The following PCDHGA10 variants were observed in gnomAD, a reference collection of about 807,000 sequenced individuals.
PCDHGA10 encodes the protein protocadherin gamma-A10.
PCDHGA10 carries 42 observed loss-of-function variants against 59.5 expected under a neutral mutation model. The ratio of observed to expected loss-of-function variants is 0.71; its 90% confidence interval spans 0.55 to 0.91. The LOEUF (loss-of-function observed/expected upper bound fraction) is 0.91, where lower values mean the gene tolerates loss of function less well. PCDHGA10 is among the 40% of genes least tolerant of loss of function. PCDHGA10 has a pLI of 0.00. For synonymous variants in PCDHGA10, 511 were observed against 517.2 expected (o/e 0.99, Z 0.16); for missense variants, 1,111 against 1,198.2 (o/e 0.93, Z 1.07).
intron 1 of PCDHGA10, among the ~76,000 whole-genome samples, chr5:141,446,948 T>C (rs1166868490): frequency 6.6e-6 from 1 of 152,186 alleles, no homozygotes; most frequent in African/African-American, 2.4e-5. Context: ...GTAAGAAACA[T>C]CCAGCACCCA....
chr5:141,440,373 G>A (rs866892003), intron 1 of PCDHGA10: 2 of 152,214 alleles, frequency 1.3e-5, no homozygotes, highest in Non-Finnish European at 2.9e-5. Context: ...GGCCGAGGCA[G>A]GAGAATCGCT....
Position 141,431,374 on chromosome 5 carries a change from GGCT to G in PCDHGA10, c.2436+15767_2436+15769del, listed in dbSNP as rs752583215. The G allele has an allele frequency of 1.7e-4, 275 of 1,613,980 alleles. No individual in the cohort carries two copies. Among genetic ancestry groups the G allele is most frequent in the Non-Finnish European group, 2.0e-4 (238 of 1,180,036 alleles). On this transcript the variant is annotated intron_variant, in intron 1 of 3. Coordinates refer to ENST00000398610, the MANE Select transcript of PCDHGA10 (RefSeq NM_018913.3). This position sits in a 1 kb window ranked among gnomAD's most constrained non-coding sequence, Gnocchi z 4.8. Reference sequence around the variant, plus strand: ...AACGCGCCCTGGACCGCGAAGAAAAGGCTGCTCACCACCTGGTCCTTACGGCCT... The same window carrying G: ...AACGCGCCCTGGACCGCGAAGAAAAGGCTCACCACCTGGTCCTTACGGCCT...
At position 141,414,245 on chromosome 5, in the gene PCDHGA10, T is replaced by G. The variant is rs760119941; in HGVS notation, c.1070T>G (p.Phe357Cys). The change falls in exon 1 of 4, where the codon TTT (phenylalanine) becomes TGT (cysteine). Residue 357 changes from phenylalanine (F) to cysteine (C), a missense_variant. Transcript: ENST00000398610. ...CCAGAGCTGACCATCACGTCTCTAT[T>G]TAGTCCAGTGACTGAAGATTCACCT... The part of the protein sequence containing the change: ...NSPELTITSL[F>C]SPVTEDSPLG... 49 of 1,613,380 alleles carry G rather than the reference T, an allele frequency of 3.0e-5. 1 individual carries two copies. The highest frequency in any genetic ancestry group is 1.3e-4 in the South Asian group (12 of 90,978).
Position 141,476,698 on chromosome 5 carries a change from G to C in PCDHGA10, c.2437-18109G>C, listed in dbSNP as rs2075661. Reference sequence around the variant, plus strand: ...CGCGGGAGGACAGCACCAAGTACGCGGAGCTGGTGTTGGAGCGCGCCCTGG... The same window carrying C: ...CGCGGGAGGACAGCACCAAGTACGCCGAGCTGGTGTTGGAGCGCGCCCTGG... On this transcript the variant is annotated intron_variant, in intron 1 of 3. Transcript: ENST00000398610. The surrounding 1 kb of genome is among the most constrained non-coding windows in gnomAD (Gnocchi z 7.6). The C allele has an allele frequency of 0.2, 326,683 of 1,614,030 alleles. 35,085 individuals carry two copies. Among genetic ancestry groups the C allele is most frequent in the Admixed American group, 0.37 (22,021 of 59,992 alleles).
Position 141,477,649 on chromosome 5 carries a change from A to G in PCDHGA10, c.2437-17158A>G, listed in dbSNP as rs2099415032. 3.7e-6 allele frequency: 6 copies of G among 1,614,076 alleles called. No individual in the cohort carries two copies. Among genetic ancestry groups the G allele is most frequent in the Non-Finnish European group, 5.1e-6 (6 of 1,180,048 alleles). ...CCGGGCTAGTGGGTCGCTATTTCAC[A>G]ATAAATCGTGACAATGGCATAGTGT... On this transcript the variant is annotated intron_variant, in intron 1 of 3. Transcript: ENST00000398610. The surrounding 1 kb of genome is among the most constrained non-coding windows in gnomAD (Gnocchi z 4.9).
At position 141,489,910 on chromosome 5, in the gene PCDHGA10, G is replaced by T; in HGVS notation, c.2437-4897G>T. ...GGATGGGGGGACCCCAGCCCGCTCA[G>T]GGACCACCCTTATCTCTGTCATCGT... On this transcript the variant is annotated intron_variant, in intron 1 of 3. Transcript: ENST00000398610. This position sits in a 1 kb window ranked among gnomAD's most constrained non-coding sequence, Gnocchi z 4.5. 1 of 1,614,226 alleles carries T rather than the reference G, an allele frequency of 6.2e-7. No homozygotes were observed. The highest frequency in any genetic ancestry group is 8.5e-7 in the Non-Finnish European group (1 of 1,180,030).
intron 1 of PCDHGA10, chr5:141,417,718 G>A: frequency 7.7e-7 from 1 of 1,304,720 alleles, no homozygotes; most frequent in Non-Finnish European, 1.0e-6. Flanking sequence ...GCTCCCGGCT[G>A]CGCAGACCTT....
chr5:141,478,671 A>G (rs996413401), intron 1 of PCDHGA10: 19 of 1,551,538 alleles, frequency 1.2e-5, no homozygotes, highest in Non-Finnish European at 1.7e-5. Context: ...TCACACTTTC[A>G]ACTGGCCCTT....
chr5:141,431,610 T>A lies in PCDHGA10; in HGVS notation c.2436+15999T>A. The stretch of plus-strand genomic sequence containing the variant: ...GAAGTGAGGTATTCCTTCCGGTATG[T>A]GGACGACAAGGCGGCCCAAGTTTTC... On this transcript the variant is annotated intron_variant, in intron 1 of 3. Transcript: ENST00000398610. The surrounding 1 kb of genome is among the most constrained non-coding windows in gnomAD (Gnocchi z 4.8). 6.2e-7 allele frequency: 1 copy of A among 1,614,238 alleles called. No homozygotes were observed. Among genetic ancestry groups the A allele is most frequent in the Non-Finnish European group, 8.5e-7 (1 of 1,180,034 alleles).
rs1561743710 is a variant in PCDHGA10 at position 141,413,622 on chromosome 5, T to C, written c.447T>C (p.Asn149=). 2 of 1,613,760 alleles carry C rather than the reference T, an allele frequency of 1.2e-6. No individual in the cohort carries two copies. The highest frequency in any genetic ancestry group is 1.7e-6 in the Non-Finnish European group (2 of 1,179,878). The stretch of plus-strand genomic sequence containing the variant: ...ATCTAGACGTAAAAATTAATGAAAA[T>C]GTCGCTGCGGGAATGCGTTTTCCTC... ...AENLDVKINE[N]VAAGMRFPLP... The change falls in exon 1 of 4, where the codon AAT becomes AAC. Residue 149 remains asparagine (N), a synonymous_variant. Coordinates refer to ENST00000398610, the MANE Select transcript of PCDHGA10 (RefSeq NM_018913.3).
chr5:141,494,546 G>A (rs984336435), intron 1 of PCDHGA10, among the ~76,000 whole-genome samples: 7 of 152,152 alleles, frequency 4.6e-5, no homozygotes, highest in African/African-American at 1.2e-4. Context: ...GGAGGAAGGG[G>A]CCATTTCTTT....
intron 1 of PCDHGA10, among the ~76,000 whole-genome samples, chr5:141,453,692 C>G (rs1182118927): frequency 6.6e-6 from 1 of 152,146 alleles, no homozygotes; most frequent in African/African-American, 2.4e-5. Flanking sequence ...GTAGGTAGTC[C>G]TGGCTTTGAA....
At chr5:141,421,513 C>T (rs368199651) in intron 1 of PCDHGA10, 14 of 1,613,960 alleles carry the variant, frequency 8.7e-6, no homozygotes, top group Non-Finnish European at 1.1e-5. Context: ...CCGGGAGGAG[C>T]TCTGTGAGAC....
chr5:141,423,484 A>G, intron 1 of PCDHGA10: 1 of 1,613,722 alleles, frequency 6.2e-7, no homozygotes, highest in Non-Finnish European at 8.5e-7. Flanking sequence ...TTTCCTGCAA[A>G]CCTATTCCCA....
chr5:141,454,956 G>A (rs62379171), intron 1 of PCDHGA10, among the ~76,000 whole-genome samples: 5,077 of 149,940 alleles, frequency 0.034, 97 homozygotes, highest in Middle Eastern at 0.091. Context: ...TACAGGCGCC[G>A]GCCACCACGC....
intron 1 of PCDHGA10, among the ~76,000 whole-genome samples, chr5:141,488,600 A>G (rs2099677400): frequency 6.6e-6 from 1 of 152,166 alleles, no homozygotes; most frequent in Admixed American, 6.5e-5. Flanking sequence ...AAGACTTTAC[A>G]AGGTTCTTAC....
intron 1 of PCDHGA10, chr5:141,433,169 C>T: frequency 6.2e-7 from 1 of 1,613,000 alleles, no homozygotes; most frequent in Non-Finnish European, 8.5e-7. Context: ...TAAAGACAGT[C>T]ATGGGTTAAT....
chr5:141,454,563 C>T (rs1056296059), intron 1 of PCDHGA10, among the ~76,000 whole-genome samples: 46 of 151,960 alleles, frequency 3.0e-4, no homozygotes, highest in Non-Finnish European at 4.9e-4. Context: ...TGTGCCACCA[C>T]GCCCGGCTAA....
rs747671382 is a variant in PCDHGA10, at chr5:141,444,152, A to ATTTT, written c.2436+28574_2436+28577dup. Among the ~76,000 whole-genome samples the ATTTT allele has an allele frequency of 5.0e-4, 17 of 33,898 alleles. 5 individuals carry two copies. Among genetic ancestry groups the ATTTT allele is most frequent in the African/African-American group, 7.0e-4 (5 of 7,184 alleles). 22.2% of individuals were successfully genotyped at this position (33,898 alleles called of 152,430 possible). ...GATATGTGTCACTTGTGTGTACTGG[A>ATTTT]TTTTTTTTTTTTTTTTTTTTTTTTT... On this transcript the variant is annotated intron_variant, in intron 1 of 3. Transcript: ENST00000398610.
Sources: allele counts gnomAD v4.1 joint callset (sites outside exome capture counted in the v4.1 genomes callset), GRCh38; gene constraint gnomAD v4.1.1; non-coding constraint Gnocchi (gnomAD v3.1); transcripts MANE v1.5; gene names NCBI Gene and HGNC (gene_info 2026-07-23, HGNC 2026-07-21).